The following LINGO2 variants were observed in gnomAD, a reference collection of about 807,000 sequenced individuals.
LINGO2 encodes leucine-rich repeat and immunoglobulin-like domain-containing nogo receptor-interacting protein 2.
Under a neutral mutation model 30.6 loss-of-function variants are expected in LINGO2, and 14 were observed. The observed-to-expected ratio is 0.46, with a 90% confidence interval of 0.30 to 0.72. LINGO2 has a LOEUF of 0.72. LINGO2 is among the 30% of genes least tolerant of loss of function. LINGO2 has a pLI of 0.07. For synonymous variants in LINGO2, 317 were observed against 288.5 expected (o/e 1.10, Z -1.00); for missense variants, 729 against 751.7 (o/e 0.97, Z 0.35).
chr9:28,902,756 G>C, the LINGO2 span, among the ~76,000 whole-genome samples: 1 of 151,668 alleles, frequency 6.6e-6, no homozygotes, highest in East Asian at 1.9e-4. Context: ...AAAATACATT[G>C]AAATTAAACC....
the LINGO2 span, among the ~76,000 whole-genome samples, chr9:28,921,391 C>G: frequency 6.6e-6 from 1 of 152,028 alleles, no homozygotes; most frequent in Admixed American, 6.6e-5. Flanking sequence ...TAGGACCAAT[C>G]AGAGTCTTGA....
intron 5 of LINGO2, among the ~76,000 whole-genome samples, chr9:27,951,081 C>T (rs1421375036): frequency 1.3e-5 from 2 of 152,184 alleles, no homozygotes; most frequent in Non-Finnish European, 2.9e-5. Context: ...AACAGGTCAA[C>T]AGCTAAGAAG....
chr9:28,091,910 GA>G (rs759240216), intron 4 of LINGO2, among the ~76,000 whole-genome samples: 2 of 152,130 alleles, frequency 1.3e-5, no homozygotes, highest in Non-Finnish European at 2.9e-5. Flanking sequence ...CTTCTCAAAA[GA>G]AGACATTTTT....
chr9:28,804,924 T>C, the LINGO2 span, among the ~76,000 whole-genome samples: 2 of 152,156 alleles, frequency 1.3e-5, no homozygotes, highest in Non-Finnish European at 2.9e-5. Flanking sequence ...AATTTTAAAA[T>C]GACAACTGAA....
At chr9:28,039,043 G>C (rs1264016067) in intron 4 of LINGO2, among the ~76,000 whole-genome samples, 2 of 152,114 alleles carry the variant, frequency 1.3e-5, no homozygotes, top group Non-Finnish European at 2.9e-5. Flanking sequence ...TTCCTTTGTC[G>C]GGGAGTAAGG....
At chr9:28,349,247 T>C (rs1384351556) in intron 3 of LINGO2, among the ~76,000 whole-genome samples, 2 of 148,606 alleles carry the variant, frequency 1.3e-5, no homozygotes, top group African/African-American at 2.5e-5. Context: ...GTTGAAAACT[T>C]TGAAAAAAAT....
intron 1 of LINGO2, among the ~76,000 whole-genome samples, chr9:28,489,538 T>C (rs143792565): frequency 6.6e-6 from 1 of 152,248 alleles, no homozygotes; most frequent in African/African-American, 2.4e-5. Flanking sequence ...ACTTTTGTTC[T>C]CTTGTCTGTT....
chr9:28,639,338 G>A (rs1254985479), intron 1 of LINGO2, among the ~76,000 whole-genome samples: 6 of 152,076 alleles, frequency 3.9e-5, no homozygotes, highest in Non-Finnish European at 5.9e-5. Flanking sequence ...TATTAGGTGC[G>A]CTTGGTGTAG....
the LINGO2 span, among the ~76,000 whole-genome samples, chr9:28,724,145 C>A: frequency 1.3e-5 from 2 of 152,086 alleles, no homozygotes; most frequent in Non-Finnish European, 2.9e-5. Flanking sequence ...TGACACTGGG[C>A]CTCAACTTTC....
chr9:28,246,241 T>C (rs1035711939), intron 4 of LINGO2, among the ~76,000 whole-genome samples: 1 of 152,006 alleles, frequency 6.6e-6, no homozygotes, highest in African/African-American at 2.4e-5. Context: ...CTGACCAACA[T>C]GGTGAAACCC....
At chr9:28,674,366 G>A (rs1020848764), upstream of LINGO2, among the ~76,000 whole-genome samples, 5 of 152,052 alleles carry the variant, frequency 3.3e-5, no homozygotes, top group East Asian at 1.9e-4. Flanking sequence ...ATTTGAAAAC[G>A]AAGGAAACGA....
chr9:28,477,760 T>A (rs1825786626), intron 1 of LINGO2, among the ~76,000 whole-genome samples: 1 of 152,186 alleles, frequency 6.6e-6, no homozygotes, highest in African/African-American at 2.4e-5. Context: ...ATTGCTCACA[T>A]AATTCATAGC....
intron 4 of LINGO2, among the ~76,000 whole-genome samples, chr9:28,082,426 T>C (rs1311017024): frequency 6.6e-6 from 1 of 152,146 alleles, no homozygotes; most frequent in African/African-American, 2.4e-5. Flanking sequence ...AAACTTTTAA[T>C]GCTATCTGAG....
chr9:28,218,869 T>C (rs1261324941), intron 4 of LINGO2, among the ~76,000 whole-genome samples: 1 of 152,172 alleles, frequency 6.6e-6, no homozygotes, highest in Non-Finnish European at 1.5e-5. Flanking sequence ...CCATAGCAAA[T>C]AGCCCATTTG....
At chr9:29,134,995 T>C in the LINGO2 span, among the ~76,000 whole-genome samples, 1 of 152,090 alleles carries the variant, frequency 6.6e-6, no homozygotes, top group African/African-American at 2.4e-5. Context: ...CTGTGTTTGA[T>C]AGATTCTAAT....
the LINGO2 span, among the ~76,000 whole-genome samples, chr9:29,079,237 C>T: frequency 6.6e-6 from 1 of 151,868 alleles, no homozygotes; most frequent in Non-Finnish European, 1.5e-5. Context: ...CTTCTTTCTA[C>T]TTATGGTATA....
At chr9:28,782,604 G>C in the LINGO2 span, among the ~76,000 whole-genome samples, 5 of 152,312 alleles carry the variant, frequency 3.3e-5, no homozygotes, top group East Asian at 7.7e-4. Context: ...ATAATAAGTA[G>C]AGAAGTAGTA....
chr9:28,002,539 G>C (rs1225722978), intron 5 of LINGO2, among the ~76,000 whole-genome samples: 1 of 152,040 alleles, frequency 6.6e-6, no homozygotes, highest in East Asian at 1.9e-4. Context: ...TTTTAAAATA[G>C]TTCAAATCAT....
the LINGO2 span, among the ~76,000 whole-genome samples, chr9:28,867,851 G>T: frequency 2.0e-5 from 3 of 151,942 alleles, no homozygotes; most frequent in African/African-American, 7.3e-5. Context: ...ATAGAGAAAA[G>T]AAAATTAGGT....
Sources: allele counts gnomAD v4.1 joint callset (sites outside exome capture counted in the v4.1 genomes callset), GRCh38; gene constraint gnomAD v4.1.1; transcripts MANE v1.5; gene names NCBI Gene and HGNC (gene_info 2026-07-23, HGNC 2026-07-21).